Variants in COL23A1 observed in about 807,000 individuals in gnomAD.
COL23A1 encodes collagen alpha-1(XXIII) chain.
A neutral mutation model predicts 99.3 loss-of-function variants in COL23A1; 97 were observed. That is an observed-to-expected ratio of 0.98 (90% CI 0.83 to 1.16). The LOEUF is 1.16. COL23A1 is among the 50% of genes most tolerant of loss of function. COL23A1 has a pLI of 0.00. For synonymous variants in COL23A1, 320 were observed against 308.2 expected, an observed-to-expected ratio of 1.04 and a Z score of -0.40; for missense variants, 762 against 757.4, an observed-to-expected ratio of 1.01 and a Z score of -0.07.
chr5:178,321,996 C>CT (rs34320293), intron 2 of COL23A1, among the ~76,000 whole-genome samples: 3,850 of 142,586 alleles, frequency 0.027, 163 homozygotes, highest in African/African-American at 0.091. Flanking sequence ...TAATTTTTAA[C>CT]TTTTTTTTTT....
chr5:178,481,516 C>G (rs1338062564), intron 2 of COL23A1, among the ~76,000 whole-genome samples: 1 of 151,928 alleles, frequency 6.6e-6, no homozygotes. Context: ...AACTCAATAA[C>G]AAAAACAAAA....
chr5:178,538,969 G>C (rs903099719), intron 2 of COL23A1, among the ~76,000 whole-genome samples: 25 of 152,288 alleles, frequency 1.6e-4, no homozygotes, highest in African/African-American at 6.0e-4. Flanking sequence ...AAAGAAGCCG[G>C]ATGAAAAAGG....
At chr5:178,389,356 A>G (rs754029290) in intron 2 of COL23A1, among the ~76,000 whole-genome samples, 4 of 152,122 alleles carry the variant, frequency 2.6e-5, no homozygotes, top group Non-Finnish European at 5.9e-5. Flanking sequence ...CCCCTGTGTG[A>G]CAGTTACACA....
intron 2 of COL23A1, among the ~76,000 whole-genome samples, chr5:178,316,670 A>C (rs1758998616): frequency 6.6e-6 from 1 of 152,208 alleles, no homozygotes; most frequent in Non-Finnish European, 1.5e-5. Context: ...AAACTATTTT[A>C]ACTAGAATTA....
In COL23A1 at chr5:178,514,054, G is replaced by GTT. The variant is rs1478679934; in HGVS notation, c.361+46627_361+46628insAA. On this transcript the variant is annotated intron_variant, in intron 2 of 28. Transcript: ENST00000390654. ...ACTGAAACCTTGTCCCCATTAAGCA[G>GTT]TAACTCCCCACTTTCTCCTCCCCCA... 2.6e-5 allele frequency among the ~76,000 whole-genome samples: 4 copies of GTT among 152,090 alleles called. No individual in the cohort carries two copies. The East Asian group carries it at 7.8e-4, about 30-fold the overall frequency.
chr5:178,571,827 T>C (rs1763110622), intron 1 of COL23A1, among the ~76,000 whole-genome samples: 1 of 152,108 alleles, frequency 6.6e-6, no homozygotes, highest in Admixed American at 6.5e-5. Context: ...CCCAACACTT[T>C]GGGAGGCCGA....
chr5:178,420,326 G>A (rs1462433782), intron 2 of COL23A1, among the ~76,000 whole-genome samples: 1 of 151,668 alleles, frequency 6.6e-6, no homozygotes, highest in African/African-American at 2.4e-5. Flanking sequence ...GGGACAGGTG[G>A]TCAGTGAAGC....
chr5:178,425,471 AT>A (rs1327676483), intron 2 of COL23A1, among the ~76,000 whole-genome samples: 3 of 150,868 alleles, frequency 2.0e-5, no homozygotes, highest in Admixed American at 6.7e-5. Context: ...ATAAATAAAA[AT>A]AAAATAAAGC....
At chr5:178,534,330 A>T (rs552851621) in intron 2 of COL23A1, among the ~76,000 whole-genome samples, 123 of 152,174 alleles carry the variant, frequency 8.1e-4, no homozygotes, top group African/African-American at 2.8e-3. Context: ...CACCGTCATG[A>T]CTTAACCACC....
intron 2 of COL23A1, among the ~76,000 whole-genome samples, chr5:178,354,700 TC>T (rs1761524458): frequency 6.6e-6 from 1 of 152,092 alleles, no homozygotes; most frequent in Admixed American, 6.6e-5. Flanking sequence ...TCCTGAGGCC[TC>T]CCCAGAAGCA....
At position 178,366,397 on chromosome 5, in the gene COL23A1, C is replaced by G. The variant is rs895969817; in HGVS notation, c.362-59478G>C. Among the ~76,000 whole-genome samples the G allele has an allele frequency of 6.6e-6, 1 of 152,200 alleles. No individual in the cohort carries two copies. Among genetic ancestry groups the G allele is most frequent in the Non-Finnish European group, 1.5e-5 (1 of 68,024 alleles). Reference sequence around the variant, plus strand: ...TGTGGCTCCACCTGGTCGCTGGGGTCTGTCTTCCCAGCTCCCATCCGCCCT... The same window carrying G: ...TGTGGCTCCACCTGGTCGCTGGGGTGTGTCTTCCCAGCTCCCATCCGCCCT... On this transcript the variant is annotated intron_variant, in intron 2 of 28. Transcript: ENST00000390654. The surrounding 1 kb of genome is among the most constrained non-coding windows in gnomAD (Gnocchi z 4.4).
rs115707024 is a variant in COL23A1 at position 178,571,086 on chromosome 5, G to T, written c.295-10338C>A. 9.5e-3 allele frequency among the ~76,000 whole-genome samples: 1,440 copies of T among 152,212 alleles called. 31 individuals are homozygous for T. Among genetic ancestry groups the T allele is most frequent in the African/African-American group, 0.033 (1,368 of 41,528 alleles). On this transcript the variant is annotated intron_variant, in intron 1 of 28. Coordinates refer to ENST00000390654, the MANE Select transcript of COL23A1 (RefSeq NM_173465.4). ...TGAGAAAGTACTGAGGAGAGGCATGGCACTGTGGTTCACACCTGTAATCCC... is the reference window on the plus strand; with the variant it reads ...TGAGAAAGTACTGAGGAGAGGCATGTCACTGTGGTTCACACCTGTAATCCC...
chr5:178,372,680 C>G (rs1193621581), intron 2 of COL23A1, among the ~76,000 whole-genome samples: 1 of 151,966 alleles, frequency 6.6e-6, no homozygotes, highest in Non-Finnish European at 1.5e-5. Context: ...TCAAGCCACC[C>G]TCCCGTCTCA....
intron 2 of COL23A1, among the ~76,000 whole-genome samples, chr5:178,540,190 GAAAC>G (rs146489753): frequency 0.035 from 5,358 of 152,062 alleles, 127 homozygotes; most frequent in Middle Eastern, 0.075. Context: ...TCAAGTGAAA[GAAAC>G]AAAAGGCATA....
chr5:178,518,294 T>C (rs552061740), intron 2 of COL23A1, among the ~76,000 whole-genome samples: 69 of 149,010 alleles, frequency 4.6e-4, no homozygotes, highest in African/African-American at 1.5e-3. Flanking sequence ...CCATGTCTAC[T>C]TCTTTCTACA....
rs181661167 is a variant in COL23A1 at position 178,577,081 on chromosome 5, G to C, written c.294+12823C>G. Among the ~76,000 whole-genome samples the C allele has an allele frequency of 3.1e-3, 467 of 152,184 alleles. 2 individuals carry two copies. Among genetic ancestry groups the C allele is most frequent in the African/African-American group, 0.01 (428 of 41,552 alleles). On this transcript the variant is annotated intron_variant, in intron 1 of 28. Coordinates refer to ENST00000390654, the MANE Select transcript of COL23A1 (RefSeq NM_173465.4). The stretch of plus-strand genomic sequence containing the variant: ...GCCGGGGTCCTCCCTGTCGCCGTCT[G>C]CGCCTCCGCGCCCTGTGGGCCGAGG...
chr5:178,505,806 G>T (rs1257080146), intron 2 of COL23A1, among the ~76,000 whole-genome samples: 1 of 152,110 alleles, frequency 6.6e-6, no homozygotes, highest in African/African-American at 2.4e-5. Flanking sequence ...TCCAGAATGG[G>T]CCCAGAGCCA....
At chr5:178,486,451 C>T (rs890969442) in intron 2 of COL23A1, among the ~76,000 whole-genome samples, 10 of 152,178 alleles carry the variant, frequency 6.6e-5, no homozygotes, top group African/African-American at 1.9e-4. Context: ...GTAATTACCA[C>T]GTGTAGAAAG....
chr5:178,410,930 G>A (rs1418041183), intron 2 of COL23A1, among the ~76,000 whole-genome samples: 5 of 152,078 alleles, frequency 3.3e-5, no homozygotes, highest in Middle Eastern at 3.4e-3. Context: ...ATTAAAAAAC[G>A]CTTACAACTC....
Sources: gnomAD v4.1 joint callset for allele counts (sites outside exome capture counted in the v4.1 genomes callset) on GRCh38, gnomAD v4.1.1 for gene constraint, Gnocchi (gnomAD v3.1) non-coding constraint, MANE v1.5 for transcripts, NCBI Gene and HGNC (gene_info 2026-07-23, HGNC 2026-07-21) for gene names.